SLC44A5: variants seen among roughly 807,000 people sequenced by gnomAD.
The protein encoded by SLC44A5 is solute carrier family 44 member 5.
SLC44A5 carries 57 observed loss-of-function variants against 101.8 expected under a neutral mutation model. That is an observed-to-expected ratio of 0.56 (90% CI 0.45 to 0.70). The LOEUF (loss-of-function observed/expected upper bound fraction) is 0.70. Among genes scored for constraint, SLC44A5 ranks in the 30% least tolerant of loss-of-function variants. SLC44A5 has a pLI of 0.00. For missense variants in SLC44A5, 737 were observed against 853.1 expected (o/e 0.86, Z 1.70); for synonymous variants, 281 against 290.9 (o/e 0.97, Z 0.35).
At chr1:75,631,571 G>C in the SLC44A5 span, among the ~76,000 whole-genome samples, 1 of 103,102 alleles carries the variant, frequency 9.7e-6, no homozygotes, top group South Asian at 3.4e-4. Flanking sequence ...TTTTGAGACA[G>C]AGTTTTGCTC....
the SLC44A5 span, among the ~76,000 whole-genome samples, chr1:75,705,687 T>A: frequency 6.6e-6 from 1 of 152,328 alleles, no homozygotes; most frequent in Middle Eastern, 3.4e-3. Flanking sequence ...TTTGTTTGTT[T>A]GTTTGTTTGA....
chr1:75,357,309 A>T (rs1659154897), intron 3 of SLC44A5: 2 of 436,894 alleles, frequency 4.6e-6, no homozygotes, highest in South Asian at 3.2e-5. Flanking sequence ...GATACTATTC[A>T]TTGATAGAGA....
intron 2 of SLC44A5, among the ~76,000 whole-genome samples, chr1:75,522,765 A>G (rs1419461314): frequency 2.0e-5 from 3 of 152,182 alleles, no homozygotes; most frequent in African/African-American, 4.8e-5. Context: ...AATGAGAGGG[A>G]CCAACATTTC....
intron 5 of SLC44A5, among the ~76,000 whole-genome samples, chr1:75,284,939 G>A (rs1384548409): frequency 1.3e-5 from 2 of 151,956 alleles, no homozygotes; most frequent in Non-Finnish European, 2.9e-5. Context: ...TTTTGCATCT[G>A]TGTTCATCAG....
chr1:75,340,136 T>C (rs145063579), intron 3 of SLC44A5, among the ~76,000 whole-genome samples: 33 of 152,330 alleles, frequency 2.2e-4, no homozygotes, highest in African/African-American at 7.7e-4. Flanking sequence ...TAAAAATTAA[T>C]GTTCTATTAT....
intron 6 of SLC44A5, among the ~76,000 whole-genome samples, chr1:75,269,393 G>A (rs1270943558): frequency 2.0e-5 from 3 of 151,934 alleles, no homozygotes; most frequent in Non-Finnish European, 4.4e-5. Flanking sequence ...TGTTTCCAAT[G>A]AGTTAAGGTG....
chr1:75,617,663 G>T, the SLC44A5 span, among the ~76,000 whole-genome samples: 1 of 152,042 alleles, frequency 6.6e-6, no homozygotes, highest in African/African-American at 2.4e-5. Context: ...AAAAAACAAA[G>T]AACATGTTTC....
chr1:75,519,373 C>T (rs1008859994), intron 2 of SLC44A5, among the ~76,000 whole-genome samples: 1 of 152,114 alleles, frequency 6.6e-6, no homozygotes, highest in Non-Finnish European at 1.5e-5. Context: ...CCCTGGCCAA[C>T]ATGGCAAAAC....
intron 14 of SLC44A5, among the ~76,000 whole-genome samples, chr1:75,221,618 G>A (rs1647082866): frequency 6.6e-6 from 1 of 152,038 alleles, no homozygotes; most frequent in Non-Finnish European, 1.5e-5. Context: ...GCATATAATT[G>A]ACTTTATAGA....
intron 1 of SLC44A5, among the ~76,000 whole-genome samples, chr1:75,579,405 T>A (rs1431341502): frequency 6.6e-6 from 1 of 152,198 alleles, no homozygotes; most frequent in African/African-American, 2.4e-5. Flanking sequence ...ATCACACGAC[T>A]GCACTCCAAC....
chr1:75,361,517 T>G (rs993703531), intron 3 of SLC44A5, among the ~76,000 whole-genome samples: 4 of 152,130 alleles, frequency 2.6e-5, no homozygotes, highest in Admixed American at 6.6e-5. Flanking sequence ...TTGAGGCACA[T>G]TTCCTCTATA....
chr1:75,691,666 C>A, the SLC44A5 span, among the ~76,000 whole-genome samples: 1 of 152,140 alleles, frequency 6.6e-6, no homozygotes, highest in African/African-American at 2.4e-5. Context: ...GCTAAGTTGA[C>A]CCACCCTGAG....
chr1:75,299,070 TAC>T (rs1204168493), intron 5 of SLC44A5, among the ~76,000 whole-genome samples: 2 of 152,152 alleles, frequency 1.3e-5, no homozygotes, highest in Non-Finnish European at 2.9e-5. Flanking sequence ...AACAAAAAAT[TAC>T]ACAGATAAGA....
chr1:75,348,858 A>G (rs888743995), intron 3 of SLC44A5, among the ~76,000 whole-genome samples: 3 of 152,254 alleles, frequency 2.0e-5, no homozygotes, highest in Non-Finnish European at 4.4e-5. Context: ...GAAGAACTAT[A>G]AAGTTACCTA....
At chr1:75,573,095 C>T (rs1304564162) in intron 1 of SLC44A5, among the ~76,000 whole-genome samples, 1 of 118,812 alleles carries the variant, frequency 8.4e-6, no homozygotes, top group African/African-American at 3.5e-5. Flanking sequence ...CGCGCTCCAG[C>T]CTGAGCTGAG....
At chr1:75,536,338 G>A (rs1169249801) in intron 2 of SLC44A5, among the ~76,000 whole-genome samples, 4 of 151,910 alleles carry the variant, frequency 2.6e-5, no homozygotes, top group South Asian at 2.1e-4. Flanking sequence ...GGTGGCTCAC[G>A]CCTGTAATCC....
chr1:75,244,174 C>A, intron 7 of SLC44A5, among the ~76,000 whole-genome samples: 1 of 152,036 alleles, frequency 6.6e-6, no homozygotes, highest in East Asian at 1.9e-4. Context: ...TGTAGCAACA[C>A]TAAGCAGAGT....
At chr1:75,677,692 G>C in the SLC44A5 span, 4 of 421,076 alleles carry the variant, frequency 9.5e-6, no homozygotes, top group Non-Finnish European at 1.9e-5. Context: ...GTAACTAAAT[G>C]CATAAAAAAA....
intron 13 of SLC44A5, among the ~76,000 whole-genome samples, chr1:75,226,844 C>A (rs997319797): frequency 6.6e-6 from 1 of 152,130 alleles, no homozygotes; most frequent in East Asian, 1.9e-4. Context: ...AAAACCATCA[C>A]TAAAATCATC....
Sources: allele counts gnomAD v4.1 joint callset (sites outside exome capture counted in the v4.1 genomes callset), GRCh38; gene constraint gnomAD v4.1.1; transcripts MANE v1.5; gene names NCBI Gene and HGNC (gene_info 2026-07-23, HGNC 2026-07-21).